SPON1: variants seen among roughly 807,000 people sequenced by gnomAD.
The protein encoded by SPON1 is spondin-1.
A neutral mutation model predicts 111.7 loss-of-function variants in SPON1; 52 were observed. That is an observed-to-expected ratio of 0.47 (90% CI 0.37 to 0.59). SPON1 has a LOEUF of 0.59. Ranked by LOEUF, SPON1 falls within the 20% of genes least tolerant of loss-of-function variation. The pLI, the probability that SPON1 is intolerant of heterozygous loss-of-function variation, is 0.00. For missense variants in SPON1, 957 were observed against 1,068.5 expected, an observed-to-expected ratio of 0.90 and a Z score of 1.46; for synonymous variants, 410 against 395.8, an observed-to-expected ratio of 1.04 and a Z score of -0.43.
At chr11:14,218,384 C>G (rs1461336707) in intron 6 of SPON1, among the ~76,000 whole-genome samples, 1 of 152,152 alleles carries the variant, frequency 6.6e-6, no homozygotes, top group Non-Finnish European at 1.5e-5. Flanking sequence ...GAATGCAGCT[C>G]CAGCACCTGG....
At chr11:14,004,005 G>A (rs1221478675) in intron 2 of SPON1, among the ~76,000 whole-genome samples, 2 of 151,852 alleles carry the variant, frequency 1.3e-5, no homozygotes, top group African/African-American at 2.4e-5. Flanking sequence ...TTAAAAAAAT[G>A]TTTCACATAT....
At chr11:14,204,264 T>A (rs191152960) in intron 6 of SPON1, among the ~76,000 whole-genome samples, 21 of 152,302 alleles carry the variant, frequency 1.4e-4, no homozygotes, top group Non-Finnish European at 2.5e-4. Flanking sequence ...AGTTATTTCC[T>A]CTGTTTTACA....
At chr11:14,258,853 C>T (rs532781276) in intron 11 of SPON1, among the ~76,000 whole-genome samples, 6 of 152,300 alleles carry the variant, frequency 3.9e-5, no homozygotes, top group Non-Finnish European at 8.8e-5. Context: ...ACATTGAAGC[C>T]TCTTTCTTGG....
chr11:14,170,884 GAT>G, intron 6 of SPON1, among the ~76,000 whole-genome samples: 1 of 152,240 alleles, frequency 6.6e-6, no homozygotes, highest in South Asian at 2.1e-4. Context: ...TGTGCTGCTG[GAT>G]TCGGTTTGCC....
At chr11:14,202,432 A>G (rs1402311560) in intron 6 of SPON1, among the ~76,000 whole-genome samples, 2 of 152,202 alleles carry the variant, frequency 1.3e-5, no homozygotes, top group East Asian at 3.8e-4. Flanking sequence ...TACCTAGCAC[A>G]AGTGCATGGT....
Position 14,158,073 on chromosome 11 carries a change from G to C in SPON1, c.825+22505G>C, listed in dbSNP as rs141452741. Among the ~76,000 whole-genome samples the C allele has an allele frequency of 5.0e-4, 76 of 152,146 alleles. No homozygotes were observed. In the East Asian group the frequency reaches 0.013, roughly 26 times the overall value. On this transcript the variant is annotated intron_variant, in intron 6 of 15. Coordinates refer to ENST00000576479, the MANE Select transcript of SPON1 (RefSeq NM_006108.4). Reference sequence around the variant, plus strand: ...CCAGACATGTGTATGATAAATTATAGGGGCTCTGGATGACATTATCTTCCT... The same window carrying C: ...CCAGACATGTGTATGATAAATTATACGGGCTCTGGATGACATTATCTTCCT...
intron 3 of SPON1, among the ~76,000 whole-genome samples, chr11:14,051,015 C>T (rs1172066818): frequency 6.6e-6 from 1 of 152,210 alleles, no homozygotes; most frequent in Non-Finnish European, 1.5e-5. Flanking sequence ...ATGGTCAAGT[C>T]TGTACAGAGT....
In SPON1 at chr11:13,963,079, A is replaced by G; in HGVS notation, c.175A>G (p.Thr59Ala). 1 of 1,567,724 alleles carries G rather than the reference A, an allele frequency of 6.4e-7. No homozygotes were observed. The highest frequency in any genetic ancestry group is 8.6e-7 in the Non-Finnish European group (1 of 1,159,034). The change falls in exon 1 of 16, where the codon ACC (threonine) becomes GCC (alanine). Residue 59 changes from threonine (T) to alanine (A), a missense_variant. By Grantham distance (58) the Thr-to-Ala change is moderately conservative (BLOSUM62 0). This residue lies in a region of SPON1 where 262 missense variants were observed against 253.9 expected (regional missense o/e 1.03). Transcript: ENST00000576479. ...RAQGTRREGY[T>A]EFSLRVEGDP... ...CCAGGGCACGCGGCGCGAGGGCTAC[A>G]CCGAGTTCAGCCTCCGCGTGGAGGG...
chr11:14,224,045 T>C (rs1283340167), intron 6 of SPON1, among the ~76,000 whole-genome samples: 1 of 152,234 alleles, frequency 6.6e-6, no homozygotes, highest in Admixed American at 6.5e-5. Context: ...TTTTGATCAG[T>C]TGAAGACTAT....
chr11:14,170,154 A>G (rs1464293476), intron 6 of SPON1, among the ~76,000 whole-genome samples: 3 of 152,040 alleles, frequency 2.0e-5, no homozygotes, highest in African/African-American at 7.2e-5. Context: ...ATTTGTTTGT[A>G]TCCTCTTTTA....
intron 2 of SPON1, among the ~76,000 whole-genome samples, chr11:14,034,316 T>C (rs564316263): frequency 1.3e-5 from 2 of 152,244 alleles, no homozygotes; most frequent in Admixed American, 6.5e-5. Context: ...TAAAAAGAAA[T>C]CACAGATTGA....
chr11:14,142,363 C>G (rs1041028886), intron 6 of SPON1, among the ~76,000 whole-genome samples: 1 of 152,178 alleles, frequency 6.6e-6, no homozygotes, highest in Non-Finnish European at 1.5e-5. Flanking sequence ...GGCCACAACT[C>G]CTTTACCATC....
chr11:14,194,189 G>A (rs782427907), intron 6 of SPON1, among the ~76,000 whole-genome samples: 5 of 152,126 alleles, frequency 3.3e-5, no homozygotes, highest in Non-Finnish European at 7.3e-5. Context: ...TCACTGGTGA[G>A]GTAAAATATG....
At chr11:14,257,600 A>T in intron 10 of SPON1, 116 bp from the exon 11 acceptor site, 1 of 954,032 alleles carries the variant, frequency 1.0e-6, no homozygotes, top group Non-Finnish European at 1.5e-6. Context: ...ACCCAGGCTC[A>T]CTGAAGTCAG....
intron 6 of SPON1, among the ~76,000 whole-genome samples, chr11:14,211,427 T>A (rs1848576179): frequency 6.6e-6 from 1 of 152,230 alleles, no homozygotes; most frequent in East Asian, 1.9e-4. Flanking sequence ...TTACAAGGGA[T>A]GTGAAGGACC....
intron 6 of SPON1, among the ~76,000 whole-genome samples, chr11:14,208,445 T>C (rs1554936398): frequency 3.3e-5 from 5 of 152,220 alleles, no homozygotes; most frequent in Non-Finnish European, 1.5e-5. Flanking sequence ...TCAATATGTT[T>C]TTCTTTTCAC....
At chr11:14,069,994 T>G (rs539147022) in intron 3 of SPON1, among the ~76,000 whole-genome samples, 310 of 152,318 alleles carry the variant, frequency 2.0e-3, no homozygotes, top group Middle Eastern at 3.4e-3. Flanking sequence ...TAAAGCCATA[T>G]ACAAGATTGG....
At chr11:14,254,789 T>G in intron 8 of SPON1, 60 bp downstream of exon 8, 2 of 1,528,988 alleles carry the variant, frequency 1.3e-6, no homozygotes, top group Non-Finnish European at 1.8e-6. Context: ...CTGAGTGTCC[T>G]GGACACAGAG....
intron 1 of SPON1, among the ~76,000 whole-genome samples, chr11:13,975,321 C>A (rs1286113756): frequency 1.3e-5 from 2 of 152,050 alleles, no homozygotes; most frequent in South Asian, 2.1e-4. Flanking sequence ...CTCAAGGTAA[C>A]CCATGGGAAC....
Sources: gnomAD v4.1 joint callset for allele counts (sites outside exome capture counted in the v4.1 genomes callset) on GRCh38, gnomAD v4.1.1 for gene constraint, gnomAD v4.1.1 regional missense constraint, MANE v1.5 for transcripts, NCBI Gene and HGNC (gene_info 2026-07-23, HGNC 2026-07-21) for gene names.